The following FAM171A1 variants were observed in gnomAD, a reference collection of about 807,000 sequenced individuals.
The protein encoded by FAM171A1 is family with sequence similarity 171 member A1, also known as protein FAM171A1.
FAM171A1 carries 23 observed loss-of-function variants against 74.9 expected under a neutral mutation model. That is an observed-to-expected ratio of 0.31 (90% CI 0.22 to 0.44). The LOEUF (loss-of-function observed/expected upper bound fraction) is 0.44, where lower values mean the gene tolerates loss of function less well. Ranked by LOEUF, FAM171A1 falls within the 20% of genes least tolerant of loss-of-function variation. FAM171A1 has a pLI of 1.00. For missense variants in FAM171A1, 1,162 were observed against 1,159.2 expected (o/e 1.00, Z -0.03); for synonymous variants, 527 against 505.7 (o/e 1.04, Z -0.57).
chr10:15,307,009 G>A (rs1463962385), intron 1 of FAM171A1, among the ~76,000 whole-genome samples: 1 of 152,178 alleles, frequency 6.6e-6, no homozygotes, highest in Non-Finnish European at 1.5e-5. Context: ...TTCGGTCACT[G>A]CAGTTCACAG....
chr10:15,274,691 T>C (rs1421500039), intron 3 of FAM171A1, among the ~76,000 whole-genome samples: 4 of 152,138 alleles, frequency 2.6e-5, no homozygotes, highest in Non-Finnish European at 5.9e-5. Context: ...AACAGACATA[T>C]AGACCAATGG....
chr10:15,268,405 A>G (rs1046975755), intron 3 of FAM171A1, among the ~76,000 whole-genome samples: 7 of 152,162 alleles, frequency 4.6e-5, no homozygotes, highest in Non-Finnish European at 8.8e-5. Flanking sequence ...ACCTCATCAA[A>G]AGAATGAGAT....
At chr10:15,325,841 G>C (rs963638202) in intron 1 of FAM171A1, among the ~76,000 whole-genome samples, 1 of 152,154 alleles carries the variant, frequency 6.6e-6, no homozygotes, top group Non-Finnish European at 1.5e-5. Flanking sequence ...TCCGACCTGG[G>C]TGAAGATGAG....
chr10:15,221,211 C>A (rs1247199693), intron 5 of FAM171A1, 151 bp from the exon 6 acceptor site: 1 of 549,708 alleles, frequency 1.8e-6, no homozygotes, highest in Non-Finnish European at 3.0e-6. Context: ...CTAGGGACCC[C>A]AGGCAGCTTT....
rs1169098742 is a variant in FAM171A1, at chr10:15,312,673, G to GT, written c.98-28569dup. Among the ~76,000 whole-genome samples, 18 of 36,402 alleles carry GT rather than the reference G, an allele frequency of 4.9e-4. 2 individuals are homozygous for GT. The highest frequency in any genetic ancestry group is 1.1e-3 in the East Asian group (1 of 946). 23.9% of individuals were successfully genotyped at this position (36,402 alleles called of 152,430 possible). On this transcript the variant is annotated intron_variant, in intron 1 of 7. Coordinates refer to ENST00000378116, the MANE Select transcript of FAM171A1 (RefSeq NM_001010924.2). ...TACTGGAATGAGTTCAGCACTGTGT[G>GT]TTTTTTTTTTTTTTTTTTTTTTTTT... is the stretch of plus-strand genomic sequence containing the variant.
chr10:15,250,508 T>A (rs1834493988), intron 4 of FAM171A1, among the ~76,000 whole-genome samples: 1 of 152,236 alleles, frequency 6.6e-6, no homozygotes, highest in South Asian at 2.1e-4. Flanking sequence ...ATGCCTGTAA[T>A]ACTGGCACTT....
intron 2 of FAM171A1, among the ~76,000 whole-genome samples, chr10:15,282,443 C>G (rs191660069): frequency 2.0e-5 from 3 of 152,178 alleles, no homozygotes; most frequent in African/African-American, 7.2e-5. Context: ...AACAAAGGCA[C>G]GTACTATTGA....
At chr10:15,331,880 C>CATATATATATATATATATATATAT (rs71390031) in intron 1 of FAM171A1, among the ~76,000 whole-genome samples, 56 of 59,598 alleles carry the variant, frequency 9.4e-4, no homozygotes, top group African/African-American at 1.4e-3. Context: ...TGTGTGTATA[C>CATATATATATATATATATATATAT]ATATATATAT....
chr10:15,260,928 G>A (rs1834647858), intron 3 of FAM171A1, among the ~76,000 whole-genome samples: 1 of 152,160 alleles, frequency 6.6e-6, no homozygotes, highest in Non-Finnish European at 1.5e-5. Flanking sequence ...TATATACCCT[G>A]AGCACCTTCA....
chr10:15,216,204 T>G, intron 6 of FAM171A1, 94 bp from the exon 7 acceptor site: 1 of 770,980 alleles, frequency 1.3e-6, no homozygotes, highest in Non-Finnish European at 2.0e-6. Context: ...TGCTTACTCT[T>G]CTTAGCTGGG....
chr10:15,336,904 C>CT (rs35067478), intron 1 of FAM171A1, among the ~76,000 whole-genome samples: 47,125 of 149,790 alleles, frequency 0.31, 7,837 homozygotes, highest in Non-Finnish European at 0.39. Context: ...TTCTTTCTTT[C>CT]TTTTTTTTTT....
chr10:15,245,805 A>C (rs930579649), intron 5 of FAM171A1, among the ~76,000 whole-genome samples: 4 of 152,244 alleles, frequency 2.6e-5, no homozygotes, highest in African/African-American at 9.6e-5. Context: ...GGGGGTGTAT[A>C]TTCATATCTC....
At chr10:15,244,311 T>C (rs539876961) in intron 5 of FAM171A1, among the ~76,000 whole-genome samples, 1 of 152,298 alleles carries the variant, frequency 6.6e-6, no homozygotes, top group Non-Finnish European at 1.5e-5. Flanking sequence ...GCTGAGATCT[T>C]GCCACAGCAC....
intron 1 of FAM171A1, among the ~76,000 whole-genome samples, chr10:15,338,718 G>A (rs1835730924): frequency 2.0e-5 from 3 of 151,996 alleles, no homozygotes; most frequent in African/African-American, 7.2e-5. Flanking sequence ...TTTTTTGTTT[G>A]TGTGTAGTGA....
chr10:15,320,748 A>G (rs1204184780), intron 1 of FAM171A1, among the ~76,000 whole-genome samples: 1 of 152,216 alleles, frequency 6.6e-6, no homozygotes, highest in East Asian at 1.9e-4. Context: ...GGCCATGTGT[A>G]TGTCTTCTTT....
rs1160793865 is a variant in FAM171A1 at position 15,214,371 on chromosome 10, C to T, written c.1217G>A (p.Gly406Asp). Residue 406 changes from glycine to aspartate, a missense_variant, in exon 8 of 8, where the codon GGC (glycine) becomes GAC (aspartate). Gly to Asp is a moderately conservative substitution (Grantham distance 94, BLOSUM62 -1). Coordinates refer to ENST00000378116, the MANE Select transcript of FAM171A1 (RefSeq NM_001010924.2). ...CATGGGGGTGTGCAGGTCCCCTTCG[C>T]CGCCCGGAGACATCATTTCCAAATG... ...GVHLEMMSPG[G>D]EGDLHTPMLK... 6.2e-7 allele frequency: 1 copy of T among 1,613,032 alleles called. No individual in the cohort carries two copies. The highest frequency in any genetic ancestry group is 8.5e-7 in the Non-Finnish European group (1 of 1,179,378).
intron 1 of FAM171A1, among the ~76,000 whole-genome samples, chr10:15,340,361 A>G (rs371898904): frequency 6.6e-6 from 1 of 152,192 alleles, no homozygotes; most frequent in African/African-American, 2.4e-5. Context: ...GGAGAGTCAC[A>G]GGCCTCCCTC....
At chr10:15,260,543 T>C (rs996012572) in intron 3 of FAM171A1, among the ~76,000 whole-genome samples, 2 of 152,180 alleles carry the variant, frequency 1.3e-5, no homozygotes, top group East Asian at 1.9e-4. Context: ...AGCACTGCTT[T>C]CCCATTTCCT....
At chr10:15,271,118 A>G (rs1834818881) in intron 3 of FAM171A1, among the ~76,000 whole-genome samples, 2 of 152,346 alleles carry the variant, frequency 1.3e-5, no homozygotes, top group South Asian at 4.1e-4. Flanking sequence ...ACCCATTGCA[A>G]AGAAGCTAAA....
Sources: allele counts gnomAD v4.1 joint callset (sites outside exome capture counted in the v4.1 genomes callset), GRCh38; gene constraint gnomAD v4.1.1; transcripts MANE v1.5; gene names NCBI Gene and HGNC (gene_info 2026-07-23, HGNC 2026-07-21).